The following NELL1 variants were observed in gnomAD, a reference collection of about 807,000 sequenced individuals.
NELL1 encodes the protein neural EGFL like 1, also known as protein kinase C-binding protein NELL1.
NELL1 carries 76 observed loss-of-function variants against 107.4 expected under a neutral mutation model. That is an observed-to-expected ratio of 0.71 (90% CI 0.59 to 0.86). The LOEUF (loss-of-function observed/expected upper bound fraction) is 0.86, where lower values mean the gene tolerates loss of function less well. Among genes scored for constraint, NELL1 ranks in the 40% least tolerant of loss-of-function variants. The pLI is 0.00. For missense variants in NELL1, 1,024 were observed against 1,005.5 expected (o/e 1.02, Z -0.25); for synonymous variants, 353 against 341.2 (o/e 1.03, Z -0.38).
At chr11:21,023,339 T>C (rs895266651) in intron 12 of NELL1, among the ~76,000 whole-genome samples, 7 of 152,014 alleles carry the variant, frequency 4.6e-5, no homozygotes, top group Non-Finnish European at 1.0e-4. Context: ...CAAAATGACT[T>C]TATAGTAATG....
chr11:21,350,608 G>A (rs1280562764), intron 14 of NELL1, among the ~76,000 whole-genome samples: 1 of 152,104 alleles, frequency 6.6e-6, no homozygotes, highest in Non-Finnish European at 1.5e-5. Context: ...CGCTAACTCT[G>A]CTGGTTTTTT....
chr11:21,407,778 C>T (rs1852271481), intron 15 of NELL1, among the ~76,000 whole-genome samples: 1 of 150,618 alleles, frequency 6.6e-6, no homozygotes, highest in African/African-American at 2.4e-5. Context: ...ATTATTTCTT[C>T]GAATAGTCCT....
chr11:21,080,759 C>T (rs1454106018), intron 12 of NELL1, among the ~76,000 whole-genome samples: 1 of 151,906 alleles, frequency 6.6e-6, no homozygotes, highest in African/African-American at 2.4e-5. Flanking sequence ...TAGATATTTC[C>T]AACTTGCCTT....
At chr11:21,282,190 A>T (rs1453828501) in intron 14 of NELL1, among the ~76,000 whole-genome samples, 2 of 152,238 alleles carry the variant, frequency 1.3e-5, no homozygotes, top group South Asian at 4.1e-4. Flanking sequence ...TGAGCAAAAG[A>T]TCTGAATAGA....
At chr11:21,012,881 T>C (rs1257676176) in intron 12 of NELL1, among the ~76,000 whole-genome samples, 1 of 152,110 alleles carries the variant, frequency 6.6e-6, no homozygotes, top group Non-Finnish European at 1.5e-5. Flanking sequence ...TTAGGCTTTA[T>C]AGTAGTGATG....
intron 13 of NELL1, among the ~76,000 whole-genome samples, chr11:21,196,945 C>G (rs889286105): frequency 1.4e-5 from 2 of 148,138 alleles, no homozygotes; most frequent in African/African-American, 5.0e-5. Context: ...CATCTTGGCT[C>G]ACTGCAACAT....
At chr11:21,200,776 T>G (rs1215008784) in intron 13 of NELL1, among the ~76,000 whole-genome samples, 1 of 152,234 alleles carries the variant, frequency 6.6e-6, no homozygotes, top group Non-Finnish European at 1.5e-5. Flanking sequence ...GGTCTTAAGT[T>G]TAAGTCTTTA....
chr11:20,802,580 G>A (rs1857301399), intron 3 of NELL1, among the ~76,000 whole-genome samples: 1 of 152,022 alleles, frequency 6.6e-6, no homozygotes, highest in Non-Finnish European at 1.5e-5. Flanking sequence ...TCTAATTGCT[G>A]TAGCTAGGAC....
In NELL1 at chr11:21,276,340, G is replaced by A. The variant is rs571645198; in HGVS notation, c.1549+46886G>A. Among the ~76,000 whole-genome samples the A allele has an allele frequency of 2.6e-5, 4 of 152,280 alleles. No homozygotes were observed. In the South Asian group the frequency reaches 8.3e-4, roughly 32 times the overall value. On this transcript the variant is annotated intron_variant, in intron 14 of 19. Coordinates refer to ENST00000357134, the MANE Select transcript of NELL1 (RefSeq NM_006157.5). ...AAATACCTAGGAATCCAACTTGCAA[G>A]GGACGTGAAGGACCTTTTCCAGGAG... is the stretch of plus-strand genomic sequence containing the variant.
intron 12 of NELL1, among the ~76,000 whole-genome samples, chr11:21,078,408 G>C (rs1239563358): frequency 6.6e-6 from 1 of 151,968 alleles, no homozygotes; most frequent in Non-Finnish European, 1.5e-5. Flanking sequence ...ATCAAAGCCA[G>C]TTGCTCATAG....
chr11:21,458,606 TGAG>T (rs929297943), intron 15 of NELL1, among the ~76,000 whole-genome samples: 4 of 151,880 alleles, frequency 2.6e-5, no homozygotes, highest in Non-Finnish European at 5.9e-5. Flanking sequence ...AGTGAAAAAA[TGAG>T]AAACAAAAAA....
At chr11:21,264,607 C>T (rs1848601434) in intron 14 of NELL1, among the ~76,000 whole-genome samples, 1 of 151,878 alleles carries the variant, frequency 6.6e-6, no homozygotes, top group African/African-American at 2.4e-5. Flanking sequence ...ATTATAATAA[C>T]CTTACTATAG....
chr11:21,192,453 CTGTT>C (rs1210444591), intron 13 of NELL1, among the ~76,000 whole-genome samples: 5 of 151,810 alleles, frequency 3.3e-5, no homozygotes, highest in Admixed American at 2.0e-4. Context: ...ATTTGTCTCA[CTGTT>C]TGAAGTATTC....
chr11:21,485,763 G>A (rs1854612883), intron 15 of NELL1, among the ~76,000 whole-genome samples: 1 of 151,930 alleles, frequency 6.6e-6, no homozygotes, highest in Non-Finnish European at 1.5e-5. Context: ...GACAGTGCCA[G>A]AACATCCTAC....
chr11:21,277,908 G>A (rs1316953301), intron 14 of NELL1, among the ~76,000 whole-genome samples: 1 of 152,148 alleles, frequency 6.6e-6, no homozygotes, highest in African/African-American at 2.4e-5. Flanking sequence ...GTGGGGTGAG[G>A]GAAGGGGGAG....
chr11:21,083,770 GGTCTTATTACT>G (rs1231871471), intron 12 of NELL1, among the ~76,000 whole-genome samples: 1 of 151,942 alleles, frequency 6.6e-6, no homozygotes, highest in Admixed American at 6.6e-5. Context: ...TTTAAACTTG[GGTCTTATTACT>G]GTCCCTCACT....
At chr11:21,277,427 A>G (rs915715998) in intron 14 of NELL1, among the ~76,000 whole-genome samples, 5 of 151,334 alleles carry the variant, frequency 3.3e-5, no homozygotes, top group East Asian at 1.9e-4. Flanking sequence ...GTGGAGAAAT[A>G]GGAACACTTT....
At chr11:20,751,950 G>A (rs1024589683) in intron 2 of NELL1, among the ~76,000 whole-genome samples, 10 of 151,854 alleles carry the variant, frequency 6.6e-5, no homozygotes, top group African/African-American at 2.4e-4. Context: ...ACTGATTTTG[G>A]TAGTTTTTTT....
At chr11:21,283,574 TA>T in intron 14 of NELL1, 1 of 152,676 alleles carries the variant, frequency 6.5e-6, no homozygotes, top group Non-Finnish European at 1.5e-5. Context: ...AAAATAGTTG[TA>T]TTTTCTACTA....
Sources: allele counts gnomAD v4.1 joint callset (sites outside exome capture counted in the v4.1 genomes callset), GRCh38; gene constraint gnomAD v4.1.1; transcripts MANE v1.5; gene names NCBI Gene and HGNC (gene_info 2026-07-23, HGNC 2026-07-21).